Variants in SVIL observed in about 807,000 individuals in gnomAD.
SVIL encodes supervillin.
In SVIL, 101 loss-of-function variants were observed where a neutral mutation model predicts 240.4. The ratio of observed to expected loss-of-function variants is 0.42; its 90% CI spans 0.36 to 0.50. The LOEUF (loss-of-function observed/expected upper bound fraction) is 0.50. Ranked by LOEUF, SVIL falls within the 20% of genes least tolerant of loss-of-function variation. SVIL has a pLI of 0.01. For missense variants in SVIL, 2,512 were observed against 2,818.7 expected (o/e 0.89, Z 2.46); for synonymous variants, 999 against 1,100.0 (o/e 0.91, Z 1.82).
intron 16 of SVIL, among the ~76,000 whole-genome samples, chr10:29,522,093 A>G (rs973989557): frequency 6.6e-6 from 1 of 151,670 alleles, no homozygotes. Context: ...AGATAGTCCA[A>G]GAATTTAATA....
Position 29,495,197 on chromosome 10 carries a change from A to C in SVIL, c.3665-16T>G, listed in dbSNP as rs1948330055. On this transcript the variant is annotated splice_polypyrimidine_tract_variant and intron_variant, in intron 18 of 37. Coordinates refer to ENST00000355867, the MANE Select transcript of SVIL (RefSeq NM_021738.3). ...GACGCCAAACCTGTGGAACACACAG[A>C]CGAGCTACTGAGCATCTCAGGGTCA... is the stretch of plus-strand genomic sequence containing the variant. 1 of 1,363,954 alleles carries C rather than the reference A, an allele frequency of 7.3e-7. No homozygotes were observed. Among genetic ancestry groups the C allele is most frequent in the Admixed American group, 1.8e-5 (1 of 54,358 alleles). 84.5% of individuals were successfully genotyped at this position (1,363,954 alleles called of 1,614,324 possible).
At chr10:29,662,976 G>A (rs1025177501) in intron 2 of SVIL, among the ~76,000 whole-genome samples, 1 of 152,146 alleles carries the variant, frequency 6.6e-6, no homozygotes, top group Non-Finnish European at 1.5e-5. Context: ...AACTGGGTGT[G>A]GTGGCATGCA....
chr10:29,654,218 A>G (rs1337303844), intron 3 of SVIL, among the ~76,000 whole-genome samples: 1 of 152,022 alleles, frequency 6.6e-6, no homozygotes, highest in Non-Finnish European at 1.5e-5. Flanking sequence ...GTTTCTTTCA[A>G]TGATGTTTTA....
intron 16 of SVIL, among the ~76,000 whole-genome samples, chr10:29,519,109 G>A (rs574396496): frequency 8.1e-6 from 1 of 123,116 alleles, no homozygotes; most frequent in Admixed American, 8.0e-5. Flanking sequence ...GAACTTGGAT[G>A]TGTAATTTGA....
chr10:29,554,556 C>T (rs558765810), intron 5 of SVIL, among the ~76,000 whole-genome samples: 13 of 152,106 alleles, frequency 8.5e-5, no homozygotes, highest in African/African-American at 2.2e-4. Context: ...GAGGCTGGGG[C>T]GGGAGAACCC....
At chr10:29,649,430 T>C (rs775386275) in intron 3 of SVIL, among the ~76,000 whole-genome samples, 2 of 152,210 alleles carry the variant, frequency 1.3e-5, no homozygotes, top group African/African-American at 2.4e-5. Flanking sequence ...CACAAAGTTT[T>C]GTTTTTTAAA....
At chr10:29,527,293 G>C (rs951149743) in intron 12 of SVIL, among the ~76,000 whole-genome samples, 1 of 151,936 alleles carries the variant, frequency 6.6e-6, no homozygotes, top group African/African-American at 2.4e-5. Flanking sequence ...TTCAGAGCTG[G>C]GAGGATTTAC....
At chr10:29,708,341 C>A (rs1411393502) in intron 1 of SVIL, among the ~76,000 whole-genome samples, 1 of 151,618 alleles carries the variant, frequency 6.6e-6, no homozygotes, top group Non-Finnish European at 1.5e-5. Flanking sequence ...AAGATTTTGG[C>A]CACGTGCGTT....
intron 1 of SVIL, among the ~76,000 whole-genome samples, chr10:29,632,351 C>T (rs761352086): frequency 2.0e-5 from 3 of 151,860 alleles, no homozygotes; most frequent in South Asian, 2.1e-4. Flanking sequence ...ATTAGCTGGG[C>T]GCAGTGGCAT....
intron 17 of SVIL, among the ~76,000 whole-genome samples, chr10:29,503,930 A>C (rs768193539): frequency 2.6e-5 from 4 of 152,236 alleles, no homozygotes; most frequent in Admixed American, 6.5e-5. Context: ...GAGGACCAAC[A>C]CCAGTCAACT....
chr10:29,514,882 A>G (rs1950106803), intron 16 of SVIL, among the ~76,000 whole-genome samples: 1 of 152,182 alleles, frequency 6.6e-6, no homozygotes, highest in African/African-American at 2.4e-5. Context: ...AAGTTTTGTT[A>G]TGCTAATAAG....
At chr10:29,486,385 T>A in intron 25 of SVIL, 25 bp downstream of exon 25, 1 of 1,611,700 alleles carries the variant, frequency 6.2e-7, no homozygotes, top group East Asian at 2.2e-5. Flanking sequence ...GTCTCGTCAA[T>A]CTCTGAAGTA....
chr10:29,575,725 A>G (rs1480644445), intron 1 of SVIL, among the ~76,000 whole-genome samples: 2 of 152,226 alleles, frequency 1.3e-5, no homozygotes, highest in Admixed American at 6.5e-5. Context: ...ACTGAGCTCT[A>G]TAATAATTAC....
chr10:29,642,981 C>A (rs1478003968), intron 3 of SVIL, among the ~76,000 whole-genome samples: 1 of 152,192 alleles, frequency 6.6e-6, no homozygotes, highest in African/African-American at 2.4e-5. Context: ...CCACTGCACC[C>A]GGCCGCTCTC....
chr10:29,470,994 G>T, intron 31 of SVIL, 144 bp downstream of exon 31: 1 of 755,784 alleles, frequency 1.3e-6, no homozygotes, highest in Non-Finnish European at 2.3e-6. Flanking sequence ...CCATAGAGCT[G>T]AGTTATCAGG....
intron 1 of SVIL, among the ~76,000 whole-genome samples, chr10:29,709,866 A>C (rs932084135): frequency 7.2e-5 from 11 of 152,092 alleles, no homozygotes; most frequent in African/African-American, 2.7e-4. Context: ...TTTAAACACC[A>C]GAGCAGGCGG....
At chr10:29,713,453 A>T (rs765530317) in intron 1 of SVIL, among the ~76,000 whole-genome samples, 9 of 152,254 alleles carry the variant, frequency 5.9e-5, no homozygotes, top group Non-Finnish European at 1.2e-4. Context: ...TTTCATTTAC[A>T]GCATTCCTCC....
At chr10:29,469,592 C>CG (rs1465128290) in intron 32 of SVIL, among the ~76,000 whole-genome samples, 7 of 152,234 alleles carry the variant, frequency 4.6e-5, no homozygotes, top group Admixed American at 1.3e-4. Flanking sequence ...ACCACCTTAC[C>CG]GGGGGGGCCG....
chr10:29,499,552 TA>T (rs1362283485), intron 17 of SVIL, among the ~76,000 whole-genome samples: 1 of 152,130 alleles, frequency 6.6e-6, no homozygotes, highest in Non-Finnish European at 1.5e-5. Flanking sequence ...CACAAACAAT[TA>T]AAAATAGATT....
Sources: gnomAD v4.1 joint callset for allele counts (sites outside exome capture counted in the v4.1 genomes callset) on GRCh38, gnomAD v4.1.1 for gene constraint, MANE v1.5 for transcripts, NCBI Gene and HGNC (gene_info 2026-07-23, HGNC 2026-07-21) for gene names.